PCLO: variants seen among roughly 807,000 people sequenced by gnomAD.
PCLO encodes the protein protein piccolo.
Under a neutral mutation model 427.5 loss-of-function variants are expected in PCLO, and 82 were observed. The observed-to-expected ratio is 0.19, with a 90% confidence interval of 0.16 to 0.23. PCLO has a LOEUF of 0.23. Among genes scored for constraint, PCLO ranks in the 10% least tolerant of loss-of-function variants. PCLO has a pLI of 1.00. For synonymous variants in PCLO, 2,357 were observed against 2,155.4 expected, an observed-to-expected ratio of 1.09 and a Z score of -2.59; for missense variants, 6,239 against 6,115.9, an observed-to-expected ratio of 1.02 and a Z score of -0.67.
In PCLO at chr7:82,773,511, G is replaced by A. The variant is rs569649830; in HGVS notation, c.15008-12018C>T. 1.2e-3 allele frequency among the ~76,000 whole-genome samples: 185 copies of A among 152,152 alleles called. 2 individuals are homozygous for A. Among genetic ancestry groups the A allele is most frequent in the Non-Finnish European group, 2.3e-3 (154 of 67,988 alleles). ...TTATCACTCTTAAAATGCAATAAAT[G>A]TGATCCTCCTTGCAGTTTTAACTGA... is the stretch of plus-strand genomic sequence containing the variant. On this transcript the variant is annotated intron_variant, in intron 22 of 24. Coordinates refer to ENST00000333891, the MANE Select transcript of PCLO (RefSeq NM_033026.6).
At chr7:82,850,807 A>T (rs1007766829) in intron 10 of PCLO, among the ~76,000 whole-genome samples, 19 of 152,200 alleles carry the variant, frequency 1.2e-4, no homozygotes, top group African/African-American at 4.3e-4. Flanking sequence ...TGTTATAAAA[A>T]TTAATAAAAA....
intron 7 of PCLO, among the ~76,000 whole-genome samples, chr7:82,913,895 A>C (rs983137127): frequency 2.6e-5 from 4 of 152,074 alleles, no homozygotes; most frequent in African/African-American, 9.6e-5. Flanking sequence ...AAACCAAAGG[A>C]AAAGGCTAAA....
At chr7:82,914,451 C>A in intron 7 of PCLO, 1 of 587,316 alleles carries the variant, frequency 1.7e-6, no homozygotes. Flanking sequence ...ACAAATCAAG[C>A]AAACAATCAA....
chr7:82,965,314 T>C (rs1050797329), intron 4 of PCLO, among the ~76,000 whole-genome samples: 1 of 150,008 alleles, frequency 6.7e-6, no homozygotes, highest in African/African-American at 2.5e-5. Context: ...TTTTCTTTCT[T>C]TCTTTTTTTT....
At chr7:82,816,570 CAT>C (rs1284937761) in intron 20 of PCLO, among the ~76,000 whole-genome samples, 5 of 152,098 alleles carry the variant, frequency 3.3e-5, no homozygotes, top group Non-Finnish European at 5.9e-5. Context: ...TTTTTAAAGA[CAT>C]GTCATAAATA....
chr7:83,087,863 C>T (rs35292958), intron 3 of PCLO, among the ~76,000 whole-genome samples: 17,738 of 152,004 alleles, frequency 0.12, 1,147 homozygotes, highest in Admixed American at 0.16. Flanking sequence ...TTTTAAAAAT[C>T]ATCTAATGTC....
intron 2 of PCLO, among the ~76,000 whole-genome samples, chr7:83,138,918 A>G (rs192073413): frequency 1.8e-3 from 276 of 152,208 alleles, no homozygotes; most frequent in Non-Finnish European, 3.3e-3. Context: ...TGGCACGTGT[A>G]TATCTATGTA....
intron 9 of PCLO, among the ~76,000 whole-genome samples, chr7:82,886,600 T>C (rs1466500645): frequency 2.0e-5 from 3 of 152,168 alleles, no homozygotes; most frequent in African/African-American, 4.8e-5. Flanking sequence ...AGGCTGAACC[T>C]GTTCTCATCA....
chr7:82,854,341 T>C (rs1792745823), intron 10 of PCLO, among the ~76,000 whole-genome samples: 2 of 152,150 alleles, frequency 1.3e-5, no homozygotes, highest in African/African-American at 4.8e-5. Context: ...CAAATATTTA[T>C]CATTAATGCC....
rs764716032 is a variant in PCLO, at chr7:83,162,404, C to A, written c.189G>T (p.Ala63=). ...RRQIAAVMSR[A]QGLPKGSVPP... ...GGACGCTTCCCTTGGGCAGCCCCTG[C>A]GCCCTTGACATGACAGCGGCGATCT... The change falls in exon 1 of 25, where the codon GCG becomes GCT. Residue 63 remains alanine, a synonymous_variant. Coordinates refer to ENST00000333891, the MANE Select transcript of PCLO (RefSeq NM_033026.6). 1 of 1,598,586 alleles carries A rather than the reference C, an allele frequency of 6.3e-7. No individual in the cohort carries two copies. The highest frequency in any genetic ancestry group is 1.1e-5 in the South Asian group (1 of 88,356).
In PCLO at chr7:83,038,026, TA is replaced by T. The variant is rs1226690331; in HGVS notation, c.3301-71540del. On this transcript the variant is annotated intron_variant, in intron 3 of 24. Coordinates refer to ENST00000333891, the MANE Select transcript of PCLO (RefSeq NM_033026.6). ...ATATATATATATATATATATATATATATATTTATATATTTATATATATATCT... is the reference window on the plus strand; with the variant it reads ...ATATATATATATATATATATATATATTATTTATATATTTATATATATATCT... Among the ~76,000 whole-genome samples the T allele has an allele frequency of 6.6e-3, 353 of 53,420 alleles. 47 individuals are homozygous for T. The highest frequency in any genetic ancestry group is 0.041 in the African/African-American group (334 of 8,072). The allele number at this position is 53,420 out of a possible 152,430, so 35.0% of individuals were successfully genotyped here. A position where few individuals can be genotyped will look rare whatever the true frequency, so the allele number is the denominator to read the frequency against.
intron 7 of PCLO, among the ~76,000 whole-genome samples, chr7:82,912,572 T>TAATTTCATTTAAATTTA (rs1794349295): frequency 1.3e-5 from 2 of 152,034 alleles, no homozygotes; most frequent in South Asian, 4.1e-4. Context: ...TATTTTAGTT[T>TAATTTCATTTAAATTTA]AATTTCATTT....
intron 22 of PCLO, among the ~76,000 whole-genome samples, chr7:82,771,625 GACTA>G (rs1480571644): frequency 6.6e-6 from 1 of 151,958 alleles, no homozygotes; most frequent in African/African-American, 2.4e-5. Flanking sequence ...AAAAAAAGGA[GACTA>G]ACTAATTGAC....
chr7:82,925,080 C>T (rs1422603104), intron 6 of PCLO, among the ~76,000 whole-genome samples: 1 of 152,042 alleles, frequency 6.6e-6, no homozygotes, highest in Admixed American at 6.6e-5. Context: ...AAGAATAAGC[C>T]TTTTCTTTGC....
intron 15 of PCLO, among the ~76,000 whole-genome samples, chr7:82,837,394 A>G (rs1383713346): frequency 6.6e-6 from 1 of 152,024 alleles, no homozygotes; most frequent in African/African-American, 2.4e-5. Flanking sequence ...ATAAAAAATA[A>G]AACCAGTTTC....
chr7:82,966,146 G>A lies in PCLO; in HGVS notation c.3642C>T (p.Leu1214=), dbSNP rs769420056. Residue 1214 remains leucine (L), a synonymous_variant, in exon 4 of 25, where the codon CTC becomes CTT. Transcript: ENST00000333891. ...KASALQEKKP[L]PEEKKLIPEE... ...CAGGGATTAGTTTTTTTTCTTCAGG[G>A]AGTGGCTTTTTTTCTTGAAGAGCTG... is the stretch of plus-strand genomic sequence containing the variant. The A allele has an allele frequency of 6.2e-7, 1 of 1,607,084 alleles. No individual in the cohort carries two copies. Among genetic ancestry groups the A allele is most frequent in the Admixed American group, 1.7e-5 (1 of 58,446 alleles).
intron 3 of PCLO, among the ~76,000 whole-genome samples, chr7:83,057,177 G>A (rs186217450): frequency 0.016 from 2,373 of 148,492 alleles, 34 homozygotes; most frequent in Admixed American, 0.032. Context: ...TCCGCCTCCC[G>A]GGTTCAAGAG....
intron 3 of PCLO, among the ~76,000 whole-genome samples, chr7:83,110,909 AT>A (rs1478410148): frequency 2.0e-5 from 3 of 152,218 alleles, no homozygotes; most frequent in African/African-American, 7.2e-5. Flanking sequence ...AAATTACAAA[AT>A]AAGATCAAGC....
intron 3 of PCLO, among the ~76,000 whole-genome samples, chr7:82,978,162 A>G (rs1342237526): frequency 6.8e-6 from 1 of 146,722 alleles, no homozygotes; most frequent in East Asian, 2.2e-4. Flanking sequence ...TATTAGAGAG[A>G]CCCCCACCCC....
Sources: gnomAD v4.1 joint callset for allele counts (sites outside exome capture counted in the v4.1 genomes callset) on GRCh38, gnomAD v4.1.1 for gene constraint, MANE v1.5 for transcripts, NCBI Gene and HGNC (gene_info 2026-07-23, HGNC 2026-07-21) for gene names.